The following SOAT1 variants were observed in gnomAD, a reference collection of about 807,000 sequenced individuals.
SOAT1 encodes the protein acyl-coenzyme A:cholesterol acyltransferase 1.
In SOAT1, 55 loss-of-function variants were observed where a neutral mutation model predicts 69.5. That is an observed-to-expected ratio of 0.79 (90% confidence interval 0.64 to 0.99). SOAT1 has a LOEUF of 0.99. Ranked by LOEUF, SOAT1 falls within the 50% of genes least tolerant of loss-of-function variation. SOAT1 has a pLI of 0.00. For synonymous variants in SOAT1, 231 were observed against 224.7 expected, an observed-to-expected ratio of 1.03 and a Z score of -0.25; for missense variants, 580 against 669.3, an observed-to-expected ratio of 0.87 and a Z score of 1.47.
At chr1:179,302,071 GTTCT>G (rs773571610) in intron 1 of SOAT1, among the ~76,000 whole-genome samples, 10 of 131,240 alleles carry the variant, frequency 7.6e-5, no homozygotes, top group African/African-American at 1.2e-4. Flanking sequence ...CAACTAAATT[GTTCT>G]TTAAGAGTGG....
intron 13 of SOAT1, among the ~76,000 whole-genome samples, chr1:179,349,523 C>T (rs1476602208): frequency 6.6e-6 from 1 of 152,006 alleles, no homozygotes; most frequent in Non-Finnish European, 1.5e-5. Flanking sequence ...GATGGTGTTT[C>T]TCCATGTTGG....
chr1:179,339,800 CT>C (rs1185426394), intron 6 of SOAT1, among the ~76,000 whole-genome samples: 1 of 152,166 alleles, frequency 6.6e-6, no homozygotes, highest in Non-Finnish European at 1.5e-5. Flanking sequence ...AATGGGAGAA[CT>C]TTATACACAG....
intron 1 of SOAT1, among the ~76,000 whole-genome samples, chr1:179,296,122 A>G (rs2484442): frequency 0.78 from 116,965 of 150,828 alleles, 45,495 homozygotes; most frequent in East Asian, 0.97. Flanking sequence ...CGCCCAGCTC[A>G]CCCGGCTAAT....
intron 14 of SOAT1, among the ~76,000 whole-genome samples, chr1:179,350,706 AAC>A (rs1396383703): frequency 6.6e-6 from 1 of 152,216 alleles, no homozygotes; most frequent in Non-Finnish European, 1.5e-5. Context: ...TATCTATATA[AAC>A]AGCTTTCCCA....
rs576940830 is a variant in SOAT1 at position 179,356,718 on chromosome 1, A to G, written c.*3077A>G. On this transcript the variant is annotated 3_prime_UTR_variant, in exon 16 of 16. Transcript: ENST00000367619. ...ATACTTTGTTTTTGTTTTTAAAGAG[A>G]CAGGGTCTCACTCTGTTGCCCAGGC... 6 of 152,134 alleles carry G rather than the reference A, an allele frequency of 3.9e-5. No individual in the cohort carries two copies. The highest frequency in any genetic ancestry group is 1.4e-4 in the African/African-American group (6 of 41,494). 9.4% of individuals were successfully genotyped at this position (152,134 alleles called of 1,614,324 possible). A position where few individuals can be genotyped will look rare whatever the true frequency, so the allele number is the denominator to read the frequency against.
At chr1:179,316,389 G>GATT (rs946801174) in intron 2 of SOAT1, among the ~76,000 whole-genome samples, 2 of 151,584 alleles carry the variant, frequency 1.3e-5, no homozygotes, top group African/African-American at 4.9e-5. Context: ...TATCTAAGTC[G>GATT]ATTATTATTA....
chr1:179,305,725 A>C (rs555322189), intron 2 of SOAT1, among the ~76,000 whole-genome samples: 10 of 152,262 alleles, frequency 6.6e-5, no homozygotes, highest in African/African-American at 2.4e-4. Flanking sequence ...ATTTCTCCAT[A>C]TCCTCACCAA....
intron 3 of SOAT1, among the ~76,000 whole-genome samples, chr1:179,329,859 A>G (rs1387913653): frequency 6.6e-6 from 1 of 152,214 alleles, no homozygotes; most frequent in Admixed American, 6.5e-5. Flanking sequence ...GTAATAGTGA[A>G]CAAAATAATA....
intron 12 of SOAT1, 27 bp from the exon 13 acceptor site, chr1:179,348,817 G>C: frequency 1.2e-6 from 1 of 807,986 alleles, no homozygotes; most frequent in Non-Finnish European, 2.0e-6. Flanking sequence ...TGTGTGTGTA[G>C]TTTTATACCT....
At chr1:179,335,730 A>AAAT (rs1178627252) in intron 4 of SOAT1, 73 bp downstream of exon 4, 4 of 1,423,286 alleles carry the variant, frequency 2.8e-6, no homozygotes, top group Non-Finnish European at 3.8e-6. Context: ...GGACTGCGGC[A>AAAT]AATATGCTTG....
intron 11 of SOAT1, among the ~76,000 whole-genome samples, chr1:179,346,859 C>A (rs1409224685): frequency 2.6e-5 from 4 of 151,784 alleles, no homozygotes; most frequent in African/African-American, 9.7e-5. Context: ...CACTTGAGCC[C>A]CAGGAGTTGA....
chr1:179,349,043 A>T lies in SOAT1; in HGVS notation c.1314+101A>T, dbSNP rs558806838. On this transcript the variant is annotated intron_variant, in intron 13 of 15. Transcript: ENST00000367619. ...TGGAAGAAGTTATATTTAATTGCTC[A>T]TGAGGAAAGGGTGATAGTATCTTTT... The T allele has an allele frequency of 2.5e-4, 176 of 708,594 alleles. 4 individuals are homozygous for T. The South Asian group carries it at 2.5e-3, about 10-fold the overall frequency. The allele number at this position is 708,594 out of a possible 1,614,324, so 43.9% of individuals were successfully genotyped here. A position where few individuals can be genotyped will look rare whatever the true frequency, so the allele number is the denominator to read the frequency against.
intron 14 of SOAT1, 71 bp from the exon 15 acceptor site, chr1:179,351,245 TG>T (rs1423877915): frequency 1.5e-6 from 2 of 1,331,756 alleles, no homozygotes; most frequent in African/African-American, 2.9e-5. Flanking sequence ...GGTTTCACCA[TG>T]TTGGCCAGGC....
In SOAT1 at chr1:179,344,352, G is replaced by GTTTTTTTTTTTT. The variant is rs762911049; in HGVS notation, c.988-595_988-594insTTTTTTTTTTTT. ...TATGAAGTAAGTTCTTTCATTAAGG[G>GTTTTTTTTTTTT]GTTTTTTTTTTTTTTTTTTTTTTTT... On this transcript the variant is annotated intron_variant, in intron 10 of 15. Coordinates refer to ENST00000367619, the MANE Select transcript of SOAT1 (RefSeq NM_003101.6). 1.4e-4 allele frequency among the ~76,000 whole-genome samples: 17 copies of GTTTTTTTTTTTT among 120,524 alleles called. 6 individuals are homozygous for GTTTTTTTTTTTT. The highest frequency in any genetic ancestry group is 2.5e-4 in the East Asian group (1 of 4,034). 79.1% of individuals were successfully genotyped at this position (120,524 alleles called of 152,430 possible).
chr1:179,344,417 G>A (rs1056850762), intron 10 of SOAT1, among the ~76,000 whole-genome samples: 1 of 138,470 alleles, frequency 7.2e-6, no homozygotes, highest in Non-Finnish European at 1.5e-5. Context: ...CTCTGTTACC[G>A]ATGCTGGAGT....
In SOAT1 at chr1:179,356,463, G is replaced by GC. The variant is rs1666908001; in HGVS notation, c.*2824dup. On this transcript the variant is annotated 3_prime_UTR_variant, in exon 16 of 16. Transcript: ENST00000367619. ...AGAATTTAATTAGAAAACTGAGGCT[G>GC]CCTTTTTTTTTTTTTTTTTTTTTTT... 1 of 121,208 alleles carries GC rather than the reference G, an allele frequency of 8.3e-6. No individual in the cohort carries two copies. Among genetic ancestry groups the GC allele is most frequent in the African/African-American group, 3.5e-5 (1 of 28,636 alleles). 7.5% of individuals were successfully genotyped at this position (121,208 alleles called of 1,614,324 possible). A position where few individuals can be genotyped will look rare whatever the true frequency, so the allele number is the denominator to read the frequency against.
At chr1:179,349,318 G>A (rs896923381) in intron 13 of SOAT1, among the ~76,000 whole-genome samples, 3 of 143,056 alleles carry the variant, frequency 2.1e-5, no homozygotes, top group African/African-American at 5.2e-5. Context: ...ATGGTTAAAG[G>A]TAGAGAAACA....
chr1:179,336,707 C>T (rs1038453614), intron 4 of SOAT1, among the ~76,000 whole-genome samples: 16 of 152,050 alleles, frequency 1.1e-4, no homozygotes, highest in African/African-American at 3.9e-4. Context: ...TGCTCTTAAT[C>T]ATATAATGGC....
intron 3 of SOAT1, among the ~76,000 whole-genome samples, chr1:179,335,133 G>T (rs1666105504): frequency 6.6e-6 from 1 of 152,064 alleles, no homozygotes. Context: ...GGAAGCTGAG[G>T]CGGGAAGATT....
Sources: gnomAD v4.1 joint callset for allele counts (sites outside exome capture counted in the v4.1 genomes callset) on GRCh38, gnomAD v4.1.1 for gene constraint, MANE v1.5 for transcripts, NCBI Gene and HGNC (gene_info 2026-07-23, HGNC 2026-07-21) for gene names.